Variants in RBFOX1 observed in about 807,000 individuals in gnomAD.
The protein encoded by RBFOX1 is RNA binding protein fox-1 homolog 1.
RBFOX1 carries 8 observed loss-of-function variants against 57.7 expected under a neutral mutation model. That is an observed-to-expected ratio of 0.14 (90% CI 0.08 to 0.25). RBFOX1 has a LOEUF of 0.25. RBFOX1 is among the 10% of genes least tolerant of loss of function. The probability of loss-of-function intolerance (pLI) is 1.00; values close to 1 mark genes in which losing one functional copy is unlikely to be tolerated. For missense variants in RBFOX1, 611 were observed against 548.5 expected (o/e 1.11, Z -1.14); for synonymous variants, 326 against 222.4 (o/e 1.47, Z -4.15).
intron 4 of RBFOX1, among the ~76,000 whole-genome samples, chr16:7,154,432 A>C (rs1208196693): frequency 6.6e-6 from 1 of 152,350 alleles, no homozygotes; most frequent in East Asian, 1.9e-4. Context: ...GTCCCATCAC[A>C]GAAGGACAAT....
chr16:5,364,061 G>T (rs891599175), intron 1 of RBFOX1, among the ~76,000 whole-genome samples: 3 of 152,290 alleles, frequency 2.0e-5, no homozygotes, highest in Admixed American at 6.5e-5. Context: ...ATTCCCCGAC[G>T]CTGGATATCA....
intron 3 of RBFOX1, among the ~76,000 whole-genome samples, chr16:6,757,006 AC>A: frequency 1.4e-5 from 2 of 141,634 alleles, no homozygotes; most frequent in East Asian, 2.1e-4. Context: ...AAACAAACAA[AC>A]AAACAAAAAA....
At chr16:5,801,341 C>CTTTTTTTTTTTTT (rs56826567) in intron 3 of RBFOX1, among the ~76,000 whole-genome samples, 1 of 143,394 alleles carries the variant, frequency 7.0e-6, no homozygotes, top group African/African-American at 2.6e-5. Context: ...CTCCCTCTCT[C>CTTTTTTTTTTTTT]TTTTTTTTTT....
intron 3 of RBFOX1, among the ~76,000 whole-genome samples, chr16:5,629,219 T>A (rs36053238): frequency 0.15 from 23,563 of 152,248 alleles, 2,237 homozygotes; most frequent in East Asian, 0.28. Context: ...GCAGAAGTGA[T>A]TCTAGAATAC....
At chr16:7,084,707 C>T (rs377552115) in intron 4 of RBFOX1, among the ~76,000 whole-genome samples, 1 of 152,158 alleles carries the variant, frequency 6.6e-6, no homozygotes, top group African/African-American at 2.4e-5. Flanking sequence ...GAGGTTTCTC[C>T]GTAATGTAGA....
intron 5 of RBFOX1, among the ~76,000 whole-genome samples, chr16:7,551,917 C>T (rs2086664819): frequency 6.6e-6 from 1 of 152,090 alleles, no homozygotes; most frequent in South Asian, 2.1e-4. Flanking sequence ...AAGAACAGCC[C>T]ATCATTTATG....
chr16:6,970,298 C>G (rs138868311), intron 3 of RBFOX1, among the ~76,000 whole-genome samples: 1 of 152,166 alleles, frequency 6.6e-6, no homozygotes, highest in Non-Finnish European at 1.5e-5. Context: ...AACATCATCA[C>G]CTAGACTATT....
intron 3 of RBFOX1, among the ~76,000 whole-genome samples, chr16:5,815,738 C>G (rs1189929381): frequency 1.3e-5 from 2 of 152,186 alleles, no homozygotes; most frequent in African/African-American, 4.8e-5. Flanking sequence ...ATACAATGCA[C>G]TTTAATAAAT....
chr16:6,951,979 G>A (rs554877019), intron 3 of RBFOX1, among the ~76,000 whole-genome samples: 1 of 152,232 alleles, frequency 6.6e-6, no homozygotes, highest in South Asian at 2.1e-4. Context: ...CTTGATGGGG[G>A]CATGGCAACA....
intron 4 of RBFOX1, among the ~76,000 whole-genome samples, chr16:5,872,301 G>A (rs1337043182): frequency 6.6e-6 from 1 of 152,210 alleles, no homozygotes; most frequent in African/African-American, 2.4e-5. Flanking sequence ...TAGATGAGGT[G>A]TGAATGATGG....
chr16:5,584,740 C>T (rs901824847), intron 2 of RBFOX1, among the ~76,000 whole-genome samples: 3 of 152,050 alleles, frequency 2.0e-5, no homozygotes, highest in South Asian at 2.1e-4. Flanking sequence ...CTCATTGCAC[C>T]GGGGACTGTA....
chr16:7,205,862 C>T (rs1211453045), intron 4 of RBFOX1, among the ~76,000 whole-genome samples: 1 of 152,248 alleles, frequency 6.6e-6, no homozygotes, highest in Non-Finnish European at 1.5e-5. Flanking sequence ...GCCAATTGTG[C>T]TCTGCTTAAC....
intron 1 of RBFOX1, among the ~76,000 whole-genome samples, chr16:6,236,229 C>G (rs2097504251): frequency 6.6e-6 from 1 of 152,080 alleles, no homozygotes; most frequent in Non-Finnish European, 1.5e-5. Context: ...CTGGAGTCAG[C>G]CCTGATTGAA....
intron 15 of RBFOX1, chr16:7,709,782 A>G (rs2083648994): frequency 8.6e-7 from 1 of 1,157,258 alleles, no homozygotes; most frequent in African/African-American, 1.6e-5. Flanking sequence ...AATGGGAGGT[A>G]AGGGTGGGGT....
At chr16:5,949,855 C>T (rs1431477855) in intron 4 of RBFOX1, among the ~76,000 whole-genome samples, 2 of 152,276 alleles carry the variant, frequency 1.3e-5, no homozygotes, top group East Asian at 3.9e-4. Context: ...ACAAGCCCTG[C>T]AGGGGATTCT....
intron 4 of RBFOX1, among the ~76,000 whole-genome samples, chr16:7,093,042 A>C (rs1273044985): frequency 6.6e-6 from 1 of 152,186 alleles, no homozygotes; most frequent in Non-Finnish European, 1.5e-5. Flanking sequence ...TTCGTTTTTT[A>C]TTCCAAAGTT....
Position 7,619,811 on chromosome 16 carries a change from G to A in RBFOX1, c.677-10792G>A, listed in dbSNP as rs533401784. On this transcript the variant is annotated intron_variant, in intron 10 of 15. Transcript: ENST00000550418. Reference sequence around the variant, plus strand: ...AGATTGCAAACTAAAATGTTTTTAGGAACAAGCTATGACATAAATAAGTGA... The same window carrying A: ...AGATTGCAAACTAAAATGTTTTTAGAAACAAGCTATGACATAAATAAGTGA... Among the ~76,000 whole-genome samples the A allele has an allele frequency of 4.2e-4, 64 of 152,062 alleles. 1 individual carries two copies. In the Middle Eastern group the frequency reaches 0.031, roughly 73 times the overall value.
chr16:6,023,066 ATT>A (rs1252807218), intron 1 of RBFOX1, among the ~76,000 whole-genome samples: 7 of 152,086 alleles, frequency 4.6e-5, no homozygotes, highest in Admixed American at 4.6e-4. Flanking sequence ...GGAAATGAGG[ATT>A]TGCTGATCTA....
chr16:6,925,241 G>A (rs373577545), intron 3 of RBFOX1, among the ~76,000 whole-genome samples: 1 of 139,772 alleles, frequency 7.2e-6, no homozygotes, highest in Non-Finnish European at 1.5e-5. Flanking sequence ...TCAAGCAATT[G>A]TCGTACCTCA....
Sources: gnomAD v4.1 joint callset for allele counts (sites outside exome capture counted in the v4.1 genomes callset) on GRCh38, gnomAD v4.1.1 for gene constraint, MANE v1.5 for transcripts, NCBI Gene and HGNC (gene_info 2026-07-23, HGNC 2026-07-21) for gene names.